Variants in CLSTN2 observed in about 807,000 individuals in gnomAD.
CLSTN2 encodes the protein calsyntenin-2.
Under a neutral mutation model 101.2 loss-of-function variants are expected in CLSTN2, and 48 were observed. The ratio of observed to expected loss-of-function variants is 0.47; its 90% CI spans 0.38 to 0.60. CLSTN2 has a LOEUF of 0.60. Ranked by LOEUF, CLSTN2 falls within the 20% of genes least tolerant of loss-of-function variation. CLSTN2 has a pLI of 0.00. For synonymous variants in CLSTN2, 481 were observed against 463.6 expected, an observed-to-expected ratio of 1.04 and a Z score of -0.48; for missense variants, 1,160 against 1,238.2, an observed-to-expected ratio of 0.94 and a Z score of 0.95.
At chr3:140,195,861 C>A (rs1479647445) in intron 2 of CLSTN2, among the ~76,000 whole-genome samples, 1 of 152,110 alleles carries the variant, frequency 6.6e-6, no homozygotes, top group African/African-American at 2.4e-5. Context: ...TTTTCCTATC[C>A]CACATTCATT....
intron 1 of CLSTN2, among the ~76,000 whole-genome samples, chr3:140,173,990 ACT>A (rs2010283226): frequency 6.6e-6 from 1 of 152,160 alleles, no homozygotes; most frequent in Admixed American, 6.5e-5. Flanking sequence ...GCTTCTCGTT[ACT>A]TATGAAAATT....
At chr3:139,991,334 A>G (rs1414400984) in intron 1 of CLSTN2, among the ~76,000 whole-genome samples, 1 of 152,250 alleles carries the variant, frequency 6.6e-6, no homozygotes, top group African/African-American at 2.4e-5. Flanking sequence ...ATTGGATATA[A>G]AATGCTTATT....
chr3:140,088,825 A>C (rs2008721497), intron 1 of CLSTN2, among the ~76,000 whole-genome samples: 1 of 152,238 alleles, frequency 6.6e-6, no homozygotes, highest in Non-Finnish European at 1.5e-5. Flanking sequence ...AAAACCTTGA[A>C]ACAGAATTTC....
chr3:140,400,398 T>C (rs1210355127), intron 2 of CLSTN2, among the ~76,000 whole-genome samples: 1 of 152,112 alleles, frequency 6.6e-6, no homozygotes, highest in African/African-American at 2.4e-5. Flanking sequence ...GGTTCAAAGA[T>C]AAAATTATTA....
chr3:140,107,844 T>C (rs1431438677), intron 1 of CLSTN2, among the ~76,000 whole-genome samples: 1 of 152,172 alleles, frequency 6.6e-6, no homozygotes, highest in African/African-American at 2.4e-5. Context: ...CTCAATCTTT[T>C]AATTCTCACA....
chr3:140,211,091 G>T (rs1235034358), intron 2 of CLSTN2, among the ~76,000 whole-genome samples: 1 of 152,012 alleles, frequency 6.6e-6, no homozygotes, highest in Admixed American at 6.6e-5. Context: ...ACAGAGCCTA[G>T]CTCTTTGGAG....
chr3:140,282,399 G>A (rs1205587926), intron 2 of CLSTN2, among the ~76,000 whole-genome samples: 1 of 152,130 alleles, frequency 6.6e-6, no homozygotes, highest in African/African-American at 2.4e-5. Context: ...TCTGGAGTGT[G>A]ACCAAGAGCA....
rs2007926031 is a variant in CLSTN2 at position 140,048,511 on chromosome 3, T to C, written c.109+113028T>C. On this transcript the variant is annotated intron_variant, in intron 1 of 16. Coordinates refer to ENST00000458420, the MANE Select transcript of CLSTN2 (RefSeq NM_022131.3). ...CTTGCTCCTCGGGGGCCAGGCATTG[T>C]CCACATTCTTTATACACATTAATTT... Among the ~76,000 whole-genome samples, 5 of 152,262 alleles carry C rather than the reference T, an allele frequency of 3.3e-5. No individual in the cohort carries two copies. The South Asian group carries it at 1.0e-3, about 31-fold the overall frequency.
intron 2 of CLSTN2, among the ~76,000 whole-genome samples, chr3:140,329,885 C>G (rs2087365435): frequency 6.6e-6 from 1 of 152,224 alleles, no homozygotes; most frequent in Admixed American, 6.5e-5. Flanking sequence ...CAATGTTACT[C>G]AAGAGCCAGG....
At chr3:140,244,986 G>A (rs1022690875) in intron 2 of CLSTN2, among the ~76,000 whole-genome samples, 4 of 152,218 alleles carry the variant, frequency 2.6e-5, no homozygotes, top group Admixed American at 2.6e-4. Flanking sequence ...GTGCCCCTGT[G>A]GGAAGTGGAG....
chr3:140,122,051 A>AACTATAATT (rs1327452249), intron 1 of CLSTN2, among the ~76,000 whole-genome samples: 6 of 152,200 alleles, frequency 3.9e-5, no homozygotes, highest in African/African-American at 1.2e-4. Context: ...ATTGTTAATT[A>AACTATAATT]TAGTTTTGAT....
rs1385077008 is a variant in CLSTN2, at chr3:140,088,345, G to C, written c.110-87606G>C. Among the ~76,000 whole-genome samples, 9 of 152,224 alleles carry C rather than the reference G, an allele frequency of 5.9e-5. 1 individual carries two copies. Among genetic ancestry groups the C allele is most frequent in the Non-Finnish European group, 2.9e-5 (2 of 68,028 alleles). On this transcript the variant is annotated intron_variant, in intron 1 of 16. Coordinates refer to ENST00000458420, the MANE Select transcript of CLSTN2 (RefSeq NM_022131.3). ...AGTTCCAGACAGTTTGTAATCCAGG[G>C]TCTCCTTCATTCTTGTGCAGACCAC...
chr3:140,272,780 G>C (rs948650242), intron 2 of CLSTN2, among the ~76,000 whole-genome samples: 1 of 152,042 alleles, frequency 6.6e-6, no homozygotes, highest in Admixed American at 6.6e-5. Context: ...TCATTAGAAT[G>C]ACTATTTAAA....
intron 2 of CLSTN2, among the ~76,000 whole-genome samples, chr3:140,273,890 C>T (rs1000854567): frequency 6.6e-6 from 1 of 152,110 alleles, no homozygotes; most frequent in African/African-American, 2.4e-5. Context: ...GGACCTGGCT[C>T]AATTTCAAAG....
intron 1 of CLSTN2, among the ~76,000 whole-genome samples, chr3:140,158,202 C>A (rs576649936): frequency 6.6e-6 from 1 of 152,170 alleles, no homozygotes; most frequent in South Asian, 2.1e-4. Context: ...GAAGTCCTAG[C>A]CAGAGCAATC....
intron 2 of CLSTN2, among the ~76,000 whole-genome samples, chr3:140,284,249 T>TA (rs1428662336): frequency 6.6e-6 from 1 of 152,106 alleles, no homozygotes; most frequent in African/African-American, 2.4e-5. Context: ...ATTATTTTTT[T>TA]TAAAAAATAC....
At chr3:139,972,498 A>T (rs368600036) in intron 1 of CLSTN2, among the ~76,000 whole-genome samples, 140 of 152,282 alleles carry the variant, frequency 9.2e-4, no homozygotes, top group African/African-American at 3.0e-3. Context: ...AGTGGACTAA[A>T]CACTCTGCTC....
intron 1 of CLSTN2, among the ~76,000 whole-genome samples, chr3:140,117,907 C>T (rs2009273188): frequency 6.6e-6 from 1 of 152,172 alleles, no homozygotes; most frequent in African/African-American, 2.4e-5. Flanking sequence ...CATCAGGATG[C>T]CCTGCTGCTA....
chr3:140,135,117 C>CACACACACACACACATAT (rs1488268767), intron 1 of CLSTN2, among the ~76,000 whole-genome samples: 1 of 58,106 alleles, frequency 1.7e-5, no homozygotes, highest in African/African-American at 8.6e-5. Flanking sequence ...CACACACACA[C>CACACACACACACACATAT]ATATATATAT....
Sources: allele counts gnomAD v4.1 joint callset (sites outside exome capture counted in the v4.1 genomes callset), GRCh38; gene constraint gnomAD v4.1.1; transcripts MANE v1.5; gene names NCBI Gene and HGNC (gene_info 2026-07-23, HGNC 2026-07-21).